The following PDGFRB variants were observed in gnomAD, a reference collection of about 807,000 sequenced individuals.
PDGFRB encodes platelet-derived growth factor receptor beta.
A neutral mutation model predicts 120.2 loss-of-function variants in PDGFRB; 42 were observed. The ratio of observed to expected loss-of-function variants is 0.35; its 90% CI spans 0.27 to 0.45. PDGFRB has a LOEUF of 0.45. PDGFRB is among the 20% of genes least tolerant of loss of function. The probability of loss-of-function intolerance (pLI) is 1.00; values close to 1 mark genes in which losing one functional copy is unlikely to be tolerated. For missense variants in PDGFRB, 1,149 were observed against 1,476.3 expected, an observed-to-expected ratio of 0.78 and a Z score of 3.63; for synonymous variants, 586 against 606.8, an observed-to-expected ratio of 0.97 and a Z score of 0.50.
rs1248006832 is a variant in PDGFRB at position 150,134,315 on chromosome 5, A to AT, written c.632-308dup. Among the ~76,000 whole-genome samples, 4 of 152,194 alleles carry AT rather than the reference A, an allele frequency of 2.6e-5. No individual in the cohort carries two copies. The South Asian group carries it at 6.2e-4, about 24-fold the overall frequency. ...AGGAGAAATGTATTGAGCACATAAC[A>AT]TGTGCCAGGTACTCTCCATCTTTTA... is the stretch of plus-strand genomic sequence containing the variant. On this transcript the variant is annotated intron_variant, in intron 4 of 22. Transcript: ENST00000261799.
intron 1 of PDGFRB, among the ~76,000 whole-genome samples, chr5:150,148,717 G>A (rs778744291): frequency 7.9e-5 from 12 of 152,244 alleles, no homozygotes; most frequent in African/African-American, 2.2e-4. Context: ...AGATGATGAC[G>A]CACAGCACTT....
rs1424126248 is a variant in PDGFRB at position 150,133,063 on chromosome 5, G to A, written c.935-121C>T. The A allele has an allele frequency of 1.8e-5, 13 of 706,868 alleles. No homozygotes were observed. In the South Asian group the frequency reaches 1.9e-4, roughly 10 times the overall value. The allele number at this position is 706,868 out of a possible 1,614,324, so 43.8% of individuals were successfully genotyped here. A position where few individuals can be genotyped will look rare whatever the true frequency, so the allele number is the denominator to read the frequency against. On this transcript the variant is annotated intron_variant, in intron 6 of 22. Transcript: ENST00000261799. The stretch of plus-strand genomic sequence containing the variant: ...GGACCGTGCCAGCCATGGAGTTTCC[G>A]GAGCTGAGGTTGAAATTGGGCTGGG...
chr5:150,116,249 G>A (rs1418949597), intron 22 of PDGFRB, among the ~76,000 whole-genome samples: 1 of 152,190 alleles, frequency 6.6e-6, no homozygotes, highest in Non-Finnish European at 1.5e-5. Context: ...ACTCCTAAAG[G>A]TGTATGCTAT....
In PDGFRB at chr5:150,115,433, T is replaced by C; in HGVS notation, c.*330A>G. The C allele has an allele frequency of 3.7e-6, 1 of 271,882 alleles. No individual in the cohort carries two copies. Among genetic ancestry groups the C allele is most frequent in the Non-Finnish European group, 6.9e-6 (1 of 145,192 alleles). The allele number at this position is 271,882 out of a possible 1,614,324, so 16.8% of individuals were successfully genotyped here. A position where few individuals can be genotyped will look rare whatever the true frequency, so the allele number is the denominator to read the frequency against. On this transcript the variant is annotated 3_prime_UTR_variant, in exon 23 of 23. Coordinates refer to ENST00000261799, the MANE Select transcript of PDGFRB (RefSeq NM_002609.4). ...CAGGGAGGGATTCGGTCTCCCCACCTGTCAGCCAGGGAGAGAATCCTAGAT... is the reference window on the plus strand; with the variant it reads ...CAGGGAGGGATTCGGTCTCCCCACCCGTCAGCCAGGGAGAGAATCCTAGAT...
At chr5:150,146,557 T>C (rs1346523734) in intron 1 of PDGFRB, among the ~76,000 whole-genome samples, 1 of 152,192 alleles carries the variant, frequency 6.6e-6, no homozygotes, top group African/African-American at 2.4e-5. Context: ...TCTTTCTTTT[T>C]TTTAGAGACA....
chr5:150,133,820 G>T, intron 5 of PDGFRB, 60 bp from the exon 6 acceptor site: 1 of 1,611,390 alleles, frequency 6.2e-7, no homozygotes. Context: ...AAATCAGCCT[G>T]CAAGCCAGAT....
In PDGFRB at chr5:150,113,960, T is replaced by C; in HGVS notation, c.*1803A>G. 4.3e-6 allele frequency: 1 copy of C among 233,466 alleles called. No individual in the cohort carries two copies. The highest frequency in any genetic ancestry group is 5.6e-5 in the Admixed American group (1 of 17,794). 14.5% of individuals were successfully genotyped at this position (233,466 alleles called of 1,614,324 possible). A position where few individuals can be genotyped will look rare whatever the true frequency, so the allele number is the denominator to read the frequency against. On this transcript the variant is annotated 3_prime_UTR_variant, in exon 23 of 23. Coordinates refer to ENST00000261799, the MANE Select transcript of PDGFRB (RefSeq NM_002609.4). ...CTGTATAAATGTGAGTTAACGTGAG[T>C]CCTAAAAATATTTGTAAACCTAGGT...
At chr5:150,143,490 G>C (rs1239118948) in intron 1 of PDGFRB, among the ~76,000 whole-genome samples, 2 of 152,234 alleles carry the variant, frequency 1.3e-5, no homozygotes, top group East Asian at 3.9e-4. Flanking sequence ...TCATGACTCA[G>C]CTCAGAGAAG....
intron 22 of PDGFRB, 76 bp downstream of exon 22, chr5:150,117,542 G>GCGCA (rs1554107287): frequency 2.0e-4 from 94 of 463,262 alleles, no homozygotes; most frequent in Middle Eastern, 6.2e-4. Flanking sequence ...GCGCGCGCGC[G>GCGCA]CGCACACACA....
intron 19 of PDGFRB, among the ~76,000 whole-genome samples, 180 bp from the exon 20 acceptor site, chr5:150,119,746 G>T (rs951029787): frequency 6.6e-6 from 1 of 152,224 alleles, no homozygotes; most frequent in African/African-American, 2.4e-5. Context: ...ACCCTCCCCA[G>T]GATAGACAGC....
chr5:150,132,978 G>A lies in PDGFRB; in HGVS notation c.935-36C>T, dbSNP rs757964378. 1 of 1,451,138 alleles carries A rather than the reference G, an allele frequency of 6.9e-7. No individual in the cohort carries two copies. 89.9% of individuals were successfully genotyped at this position (1,451,138 alleles called of 1,614,324 possible). On this transcript the variant is annotated intron_variant, in intron 6 of 22. Transcript: ENST00000261799. The surrounding 1 kb of genome is among the most constrained non-coding windows in gnomAD (Gnocchi z 5.0). Reference sequence around the variant, plus strand: ...TGACCGTCAGGGGCGGGGCCCTGGGGGCAGGGCACCAACTGAATCCCAAAG... The same window carrying A: ...TGACCGTCAGGGGCGGGGCCCTGGGAGCAGGGCACCAACTGAATCCCAAAG...
In PDGFRB at chr5:150,125,393, TC is replaced by T. The variant is rs531095333; in HGVS notation, c.1807+51del. ...GCTGGGACCAGACCTCAGAGAGTCTTCCCACCCAACTTGAGTCCCCACACTG... is the reference window on the plus strand; with the variant it reads ...GCTGGGACCAGACCTCAGAGAGTCTTCCACCCAACTTGAGTCCCCACACTG... On this transcript the variant is annotated intron_variant, in intron 12 of 22. Coordinates refer to ENST00000261799, the MANE Select transcript of PDGFRB (RefSeq NM_002609.4). 510 of 1,549,642 alleles carry T rather than the reference TC, an allele frequency of 3.3e-4. 1 individual carries two copies. The African/African-American group carries it at 6.3e-3, about 19-fold the overall frequency.
rs755585100 is a variant in PDGFRB, at chr5:150,121,257, C to T, written c.2410G>A (p.Val804Met). 28 of 1,609,106 alleles carry T rather than the reference C, an allele frequency of 1.7e-5. No individual in the cohort carries two copies. The highest frequency in any genetic ancestry group is 2.2e-5 in the East Asian group (1 of 44,854). Residue 804 changes from valine to methionine, a missense_variant, in exon 17 of 23, where the codon GTG becomes ATG. Val to Met is a conservative substitution (Grantham distance 21). Coordinates refer to ENST00000261799, the MANE Select transcript of PDGFRB (RefSeq NM_002609.4). This position sits in a 1 kb window ranked among gnomAD's most constrained non-coding sequence, Gnocchi z 4.1. ...ESPVLSYMDL[V>M]GFSYQVANGM... ...TTGGCCACCTGGTAGCTGAAGCCCA[C>T]GAGGTCCATGTAGCTTAGCACTGGA...
Position 150,115,485 on chromosome 5 carries a change from A to G in PDGFRB, c.*278T>C. 6.0e-6 allele frequency: 2 copies of G among 331,290 alleles called. No homozygotes were observed. Among genetic ancestry groups the G allele is most frequent in the Non-Finnish European group, 1.1e-5 (2 of 184,014 alleles). The allele number at this position is 331,290 out of a possible 1,614,324, so 20.5% of individuals were successfully genotyped here. The stretch of plus-strand genomic sequence containing the variant: ...CTGGGTCATCAAGCCTAACTTTCCC[A>G]TTTTACATATGGGAAAACTGAGTTC... On this transcript the variant is annotated 3_prime_UTR_variant, in exon 23 of 23. Coordinates refer to ENST00000261799, the MANE Select transcript of PDGFRB (RefSeq NM_002609.4).
intron 22 of PDGFRB, 38 bp downstream of exon 22, chr5:150,117,574 ACACACT>A (rs778602079): frequency 2.8e-6 from 3 of 1,070,630 alleles, no homozygotes; most frequent in African/African-American, 3.2e-5. Context: ...ACACACACAC[ACACACT>A]GTGCACAATT....
At chr5:150,149,406 C>A (rs1274942201) in intron 1 of PDGFRB, among the ~76,000 whole-genome samples, 1 of 152,090 alleles carries the variant, frequency 6.6e-6, no homozygotes, top group Non-Finnish European at 1.5e-5. Flanking sequence ...AAACATAGGC[C>A]CTTCTAAGCA....
intron 1 of PDGFRB, among the ~76,000 whole-genome samples, chr5:150,155,183 G>C (rs777759257): frequency 2.0e-5 from 3 of 152,090 alleles, no homozygotes; most frequent in Admixed American, 2.0e-4. Flanking sequence ...GGGATGATGA[G>C]GTGGAGGCCA....
At chr5:150,135,908 A>G (rs1391365205) in intron 2 of PDGFRB, 30 bp from the exon 3 acceptor site, 54 of 1,474,468 alleles carry the variant, frequency 3.7e-5, no homozygotes, top group Non-Finnish European at 4.9e-5. Flanking sequence ...AGACATCAGG[A>G]AACAGGGGCT....
chr5:150,121,577 C>A lies in PDGFRB; in HGVS notation c.2345-255G>T, dbSNP rs1316605188. ...GGCCTGCCTGCCTGCCTCTCAGGGA[C>A]ACTAGACCAGCCTGGGGCTGAAGCT... On this transcript the variant is annotated intron_variant, in intron 16 of 22. Coordinates refer to ENST00000261799, the MANE Select transcript of PDGFRB (RefSeq NM_002609.4). This position sits in a 1 kb window ranked among gnomAD's most constrained non-coding sequence, Gnocchi z 4.1. Among the ~76,000 whole-genome samples, 2 of 152,306 alleles carry A rather than the reference C, an allele frequency of 1.3e-5. No individual in the cohort carries two copies. The highest frequency in any genetic ancestry group is 3.9e-4 in the East Asian group (2 of 5,168).
Sources: gnomAD v4.1 joint callset for allele counts (sites outside exome capture counted in the v4.1 genomes callset) on GRCh38, gnomAD v4.1.1 for gene constraint, Gnocchi (gnomAD v3.1) non-coding constraint, MANE v1.5 for transcripts, NCBI Gene and HGNC (gene_info 2026-07-23, HGNC 2026-07-21) for gene names.